Variants in TRERF1 observed in about 807,000 individuals in gnomAD.
TRERF1 encodes transcriptional regulating factor 1.
In TRERF1, 27 loss-of-function variants were observed where a neutral mutation model predicts 122.9. The ratio of observed to expected loss-of-function variants is 0.22; its 90% CI spans 0.16 to 0.30. The LOEUF (loss-of-function observed/expected upper bound fraction) is 0.30. Among genes scored for constraint, TRERF1 ranks in the 10% least tolerant of loss-of-function variants. TRERF1 has a pLI of 1.00. For missense variants in TRERF1, 1,248 were observed against 1,560.3 expected, an observed-to-expected ratio of 0.80 and a Z score of 3.37; for synonymous variants, 636 against 641.7, an observed-to-expected ratio of 0.99 and a Z score of 0.13.
intron 8 of TRERF1, among the ~76,000 whole-genome samples, chr6:42,260,431 G>A (rs1003213339): frequency 6.6e-6 from 1 of 152,154 alleles, no homozygotes; most frequent in African/African-American, 2.4e-5. Flanking sequence ...TTTAATGGCA[G>A]CGGAACCAAG....
chr6:42,416,902 GTTTT>G (rs1008628151), intron 2 of TRERF1, among the ~76,000 whole-genome samples: 2 of 151,486 alleles, frequency 1.3e-5, no homozygotes, highest in African/African-American at 4.9e-5. Context: ...TTTTGTGTGT[GTTTT>G]TTTTAAGAAC....
chr6:42,287,922 CT>C (rs1783561062), intron 4 of TRERF1, among the ~76,000 whole-genome samples: 1 of 152,108 alleles, frequency 6.6e-6, no homozygotes, highest in Non-Finnish European at 1.5e-5. Flanking sequence ...CTCATTCACC[CT>C]TCCAGTGATT....
chr6:42,363,016 C>T (rs1772063245), exon 3 of TRERF1: 1 of 153,664 alleles, frequency 6.5e-6, no homozygotes, highest in South Asian at 2.1e-4. Context: ...GATGAAGAGG[C>T]TGAATCTTTC....
At chr6:42,405,819 A>T (rs9688581) in intron 2 of TRERF1, among the ~76,000 whole-genome samples, 23,899 of 149,940 alleles carry the variant, frequency 0.16, 2,344 homozygotes, top group African/African-American at 0.28. Context: ...TAAAAAAATT[A>T]AAAAAAATAA....
At chr6:42,424,313 CATCCCTA>C (rs2151591696) in intron 2 of TRERF1, among the ~76,000 whole-genome samples, 1 of 152,310 alleles carries the variant, frequency 6.6e-6, no homozygotes, top group Non-Finnish European at 1.5e-5. Flanking sequence ...ACAGGTTGAA[CATCCCTA>C]AGCTGAAAAC....
At chr6:42,405,896 C>A (rs928031226) in intron 2 of TRERF1, among the ~76,000 whole-genome samples, 2 of 152,032 alleles carry the variant, frequency 1.3e-5, no homozygotes, top group Non-Finnish European at 2.9e-5. Context: ...CAACTACCTG[C>A]CCCTGTGGAG....
intron 3 of TRERF1, among the ~76,000 whole-genome samples, chr6:42,345,249 C>T (rs1768047330): frequency 6.6e-6 from 1 of 152,212 alleles, no homozygotes; most frequent in Non-Finnish European, 1.5e-5. Flanking sequence ...AAATGTTTTA[C>T]AAACACTATG....
intron 15 of TRERF1, among the ~76,000 whole-genome samples, chr6:42,239,859 C>CT (rs1321409840): frequency 6.6e-6 from 1 of 151,586 alleles, no homozygotes; most frequent in African/African-American, 2.4e-5. Context: ...TCAAGATTTT[C>CT]TTGTTTTTTT....
At chr6:42,244,835 A>T (rs1774456567) in intron 14 of TRERF1, among the ~76,000 whole-genome samples, 1 of 152,234 alleles carries the variant, frequency 6.6e-6, no homozygotes, top group Non-Finnish European at 1.5e-5. Context: ...AAACAGGCAA[A>T]GGTCTATGCA....
chr6:42,249,493 C>T (rs1202958800), intron 13 of TRERF1, among the ~76,000 whole-genome samples: 1 of 152,208 alleles, frequency 6.6e-6, no homozygotes, highest in Non-Finnish European at 1.5e-5. Context: ...CTTCCTGGCC[C>T]ATCTGTTAGG....
chr6:42,416,548 G>A (rs1362107991), intron 2 of TRERF1, among the ~76,000 whole-genome samples: 2 of 151,954 alleles, frequency 1.3e-5, no homozygotes, highest in Non-Finnish European at 2.9e-5. Context: ...TGGAACTCCC[G>A]TGACCATGGA....
chr6:42,238,949 C>T (rs1318242814), intron 15 of TRERF1, among the ~76,000 whole-genome samples: 1 of 151,972 alleles, frequency 6.6e-6, no homozygotes, highest in Non-Finnish European at 1.5e-5. Context: ...ATAAGTTTCT[C>T]AAGGTCACAC....
intron 3 of TRERF1, among the ~76,000 whole-genome samples, chr6:42,312,250 T>C (rs981095581): frequency 6.6e-6 from 1 of 152,182 alleles, no homozygotes; most frequent in Non-Finnish European, 1.5e-5. Context: ...GGAACCTTCC[T>C]ATCATACTCC....
chr6:42,374,152 A>G lies in TRERF1; in HGVS notation c.-453-11073T>C, dbSNP rs971362186. On this transcript the variant is annotated intron_variant, in intron 2 of 17. Transcript: ENST00000372922. ...GTCTTTTTTTTAAAAAAAAAAAAAA[A>G]GAAGAAGAAGAAGAAGAAGAAGAAG... Among the ~76,000 whole-genome samples, 4 of 134,528 alleles carry G rather than the reference A, an allele frequency of 3.0e-5. No homozygotes were observed. The East Asian group carries it at 8.2e-4, about 28-fold the overall frequency. The allele number at this position is 134,528 out of a possible 152,430, so 88.3% of individuals were successfully genotyped here.
At chr6:42,313,689 G>T (rs1319790435) in intron 3 of TRERF1, among the ~76,000 whole-genome samples, 1 of 152,150 alleles carries the variant, frequency 6.6e-6, no homozygotes, top group South Asian at 2.1e-4. Context: ...GTGACCATAT[G>T]AGGGAGAACC....
At chr6:42,227,249 A>G (rs2236040) in exon 18 of TRERF1, 1 of 152,168 alleles carries the variant, frequency 6.6e-6, no homozygotes, top group Non-Finnish European at 1.5e-5. Flanking sequence ...TTTGTCTTGT[A>G]TTTGCTATCG....
intron 9 of TRERF1, among the ~76,000 whole-genome samples, 177 bp from the exon 10 acceptor site, chr6:42,258,378 G>C (rs1777146813): frequency 6.6e-6 from 1 of 152,208 alleles, no homozygotes; most frequent in Non-Finnish European, 1.5e-5. Context: ...AAATAACTTA[G>C]GGTTACCCAT....
At chr6:42,233,269 C>A (rs1220487137) in intron 16 of TRERF1, among the ~76,000 whole-genome samples, 3 of 151,402 alleles carry the variant, frequency 2.0e-5, no homozygotes, top group Non-Finnish European at 4.4e-5. Context: ...GAGGGCTGGA[C>A]CAGCTTTCAA....
chr6:42,361,984 G>A (rs573799691), intron 3 of TRERF1, among the ~76,000 whole-genome samples: 98 of 152,230 alleles, frequency 6.4e-4, no homozygotes, highest in Non-Finnish European at 1.1e-3. Flanking sequence ...CTCTACCAGG[G>A]ACACCTCTCC....
Sources: gnomAD v4.1 joint callset for allele counts (sites outside exome capture counted in the v4.1 genomes callset) on GRCh38, gnomAD v4.1.1 for gene constraint, MANE v1.5 for transcripts, NCBI Gene and HGNC (gene_info 2026-07-23, HGNC 2026-07-21) for gene names.